The following ZNF723 variants were observed in gnomAD, a reference collection of about 807,000 sequenced individuals.
ZNF723 encodes the protein zinc finger protein 723, pseudogene.
A neutral mutation model predicts 9.4 loss-of-function variants in ZNF723; 5 were observed. The observed-to-expected ratio is 0.53, with a 90% confidence interval of 0.28 to 1.12. ZNF723 has a LOEUF of 1.12. Among genes scored for constraint, ZNF723 ranks in the 50% most tolerant of loss-of-function variants. The pLI is 0.10. For missense variants in ZNF723, 450 were observed against 501.5 expected, an observed-to-expected ratio of 0.90 and a Z score of 0.98; for synonymous variants, 158 against 168.8, an observed-to-expected ratio of 0.94 and a Z score of 0.49.
intron 1 of ZNF723, among the ~76,000 whole-genome samples, chr19:22,835,761 A>G (rs1001087476): frequency 6.6e-6 from 1 of 152,186 alleles, no homozygotes; most frequent in African/African-American, 2.4e-5. Flanking sequence ...TTCTTTCTGT[A>G]TGGTAAATTT....
the ZNF723 span, among the ~76,000 whole-genome samples, chr19:22,820,141 G>A: frequency 6.6e-6 from 1 of 152,062 alleles, no homozygotes; most frequent in African/African-American, 2.4e-5. Context: ...ACACCTAGGG[G>A]TTGGAAATCT....
At chr19:22,828,032 A>G (rs1967056386), upstream of ZNF723, among the ~76,000 whole-genome samples, 1 of 152,120 alleles carries the variant, frequency 6.6e-6, no homozygotes. Flanking sequence ...GTGAGCTGAG[A>G]TTGTGACTTT....
chr19:22,838,897 G>A (rs973938967), intron 1 of ZNF723, among the ~76,000 whole-genome samples: 6 of 152,092 alleles, frequency 3.9e-5, no homozygotes, highest in East Asian at 3.9e-4. Context: ...ACAGGCATGC[G>A]CCACTATGCC....
At chr19:22,839,023 G>A (rs12982929) in intron 1 of ZNF723, among the ~76,000 whole-genome samples, 34,071 of 151,884 alleles carry the variant, frequency 0.22, 4,783 homozygotes, top group African/African-American at 0.4. Flanking sequence ...CTGGGATTAC[G>A]GGCATGAGCC....
chr19:22,851,865 C>T (rs905475926), intron 3 of ZNF723, among the ~76,000 whole-genome samples: 2 of 152,180 alleles, frequency 1.3e-5, no homozygotes, highest in Non-Finnish European at 2.9e-5. Context: ...GGGCTCACCG[C>T]TACTTCCGCC....
At chr19:22,819,215 C>G in the ZNF723 span, among the ~76,000 whole-genome samples, 1 of 152,214 alleles carries the variant, frequency 6.6e-6, no homozygotes, top group South Asian at 2.1e-4. Context: ...TGAATCCTGC[C>G]CACAGGAGGC....
Position 22,858,178 on chromosome 19 carries a change from A to G in ZNF723, c.1287A>G (p.Gln429=), listed in dbSNP as rs1967510490. 2.9e-6 allele frequency: 4 copies of G among 1,401,590 alleles called. No homozygotes were observed. Among genetic ancestry groups the G allele is most frequent in the Admixed American group, 1.7e-5 (1 of 59,634 alleles). 86.8% of individuals were successfully genotyped at this position (1,401,590 alleles called of 1,614,324 possible). ...GAGAAAGACCTTACAAATGTAAACAATGTGGTAAAGGTTTTAGCCAATCCT... is the reference window on the plus strand; with the variant it reads ...GAGAAAGACCTTACAAATGTAAACAGTGTGGTAAAGGTTTTAGCCAATCCT... ...HTGERPYKCK[Q]CGKGFSQSST... is the part of the protein sequence containing the mutation. The change falls in exon 4 of 4, where the codon CAA becomes CAG. Residue 429 remains glutamine, a synonymous_variant. Transcript: ENST00000600766.
chr19:22,815,650 G>T, the ZNF723 span, among the ~76,000 whole-genome samples: 9 of 152,124 alleles, frequency 5.9e-5, no homozygotes, highest in Non-Finnish European at 1.0e-4. Context: ...AGGTGCATTG[G>T]TTACCTCATA....
intron 1 of ZNF723, chr19:22,840,619 T>G (rs1305553338): frequency 6.6e-6 from 1 of 152,186 alleles, no homozygotes; most frequent in Non-Finnish European, 1.5e-5. Flanking sequence ...TTAAAGATGC[T>G]TTTAACTTTT....
At chr19:22,833,765 C>T (rs949019806) in intron 1 of ZNF723, among the ~76,000 whole-genome samples, 2 of 151,294 alleles carry the variant, frequency 1.3e-5, no homozygotes, top group African/African-American at 4.8e-5. Context: ...CGTGCCACCA[C>T]GCCTGGCTAT....
intron 3 of ZNF723, among the ~76,000 whole-genome samples, chr19:22,853,251 A>G (rs1168835684): frequency 1.3e-5 from 2 of 152,054 alleles, no homozygotes; most frequent in East Asian, 3.9e-4. Context: ...AGGAACTGTA[A>G]TGCCTTCAAC....
At chr19:22,820,067 T>C in the ZNF723 span, among the ~76,000 whole-genome samples, 3 of 152,202 alleles carry the variant, frequency 2.0e-5, no homozygotes, top group Non-Finnish European at 4.4e-5. Context: ...ACCCAGGTGA[T>C]GTGACTCTCC....
In ZNF723 at chr19:22,858,154, A is replaced by AG; in HGVS notation, c.1264dup (p.Glu422GlyfsTer7). The AG allele has an allele frequency of 7.0e-7, 1 of 1,418,818 alleles. No individual in the cohort carries two copies. The highest frequency in any genetic ancestry group is 1.0e-6 in the Non-Finnish European group (1 of 1,003,850). The allele number at this position is 1,418,818 out of a possible 1,614,324, so 87.9% of individuals were successfully genotyped here. On this transcript the variant is annotated frameshift_variant, in exon 4 of 4. Coordinates refer to ENST00000600766, the MANE Select transcript of ZNF723 (RefSeq NM_001349726.2). LOFTEE classifies it low-confidence loss of function (END_TRUNC). ...CTACACATAAGATAATTCATACTGG[A>AG]GAAAGACCTTACAAATGTAAACAAT...
chr19:22,858,633 G>A lies in ZNF723; in HGVS notation c.*200G>A, dbSNP rs1568410272. The A allele has an allele frequency of 5.3e-6, 2 of 377,154 alleles. No homozygotes were observed. Among genetic ancestry groups the A allele is most frequent in the Non-Finnish European group, 9.3e-6 (2 of 214,060 alleles). 23.4% of individuals were successfully genotyped at this position (377,154 alleles called of 1,614,324 possible). A position where few individuals can be genotyped will look rare whatever the true frequency, so the allele number is the denominator to read the frequency against. ...CAAAAAAAATTAGCCGGGTGTAGTG[G>A]TGGGCGCCTGTAATCCCAGCTAGTT... is the stretch of plus-strand genomic sequence containing the variant. On this transcript the variant is annotated 3_prime_UTR_variant, in exon 4 of 4. Coordinates refer to ENST00000600766, the MANE Select transcript of ZNF723 (RefSeq NM_001349726.2).
At chr19:22,843,748 T>C (rs1023034367) in intron 1 of ZNF723, among the ~76,000 whole-genome samples, 1 of 152,212 alleles carries the variant, frequency 6.6e-6, no homozygotes, top group African/African-American at 2.4e-5. Context: ...TTGTTATTAT[T>C]ATATGCGTTT....
upstream of ZNF723, among the ~76,000 whole-genome samples, chr19:22,830,301 C>A (rs1254536325): frequency 6.6e-6 from 1 of 152,146 alleles, no homozygotes; most frequent in Non-Finnish European, 1.5e-5. Context: ...TAACCTGGGA[C>A]TACAGGCAGG....
At chr19:22,851,125 T>C (rs1284126025) in intron 3 of ZNF723, among the ~76,000 whole-genome samples, 1 of 152,060 alleles carries the variant, frequency 6.6e-6, no homozygotes, top group Non-Finnish European at 1.5e-5. Flanking sequence ...ATTCTATATG[T>C]GTCTCTATAT....
chr19:22,851,153 C>CTATTTATT (rs145875284), intron 3 of ZNF723, among the ~76,000 whole-genome samples: 20,888 of 150,960 alleles, frequency 0.14, 1,422 homozygotes, highest in East Asian at 0.17. Context: ...TAACAGAGAG[C>CTATTTATT]TATTTATTTA....
upstream of ZNF723, among the ~76,000 whole-genome samples, chr19:22,827,431 TTTTTTTG>T (rs762249796): frequency 0.11 from 14,292 of 130,018 alleles, 738 homozygotes; most frequent in Middle Eastern, 0.16. Flanking sequence ...AACTATTTTT[TTTTTTTG>T]TTTTTTTGTT....
Sources: allele counts gnomAD v4.1 joint callset (sites outside exome capture counted in the v4.1 genomes callset), GRCh38; gene constraint gnomAD v4.1.1; transcripts MANE v1.5; gene names NCBI Gene and HGNC (gene_info 2026-07-23, HGNC 2026-07-21).